The following TBC1D19 variants were observed in gnomAD, a reference collection of about 807,000 sequenced individuals.
TBC1D19 encodes the protein TBC1 domain family, member 19.
TBC1D19 carries 60 observed loss-of-function variants against 89.0 expected under a neutral mutation model. The observed-to-expected ratio is 0.67, with a 90% CI of 0.55 to 0.84. The LOEUF (loss-of-function observed/expected upper bound fraction) is 0.84, where lower values mean the gene tolerates loss of function less well. Ranked by LOEUF, TBC1D19 falls within the 40% of genes least tolerant of loss-of-function variation. TBC1D19 has a pLI of 0.00. For synonymous variants in TBC1D19, 189 were observed against 199.7 expected, an observed-to-expected ratio of 0.95 and a Z score of 0.45; for missense variants, 500 against 610.8, an observed-to-expected ratio of 0.82 and a Z score of 1.91.
In TBC1D19 at chr4:26,755,437, A is replaced by C. The variant is rs1286206450; in HGVS notation, c.*490A>C. 1 of 152,126 alleles carries C rather than the reference A, an allele frequency of 6.6e-6. No homozygotes were observed. Among genetic ancestry groups the C allele is most frequent in the Non-Finnish European group, 1.5e-5 (1 of 68,000 alleles). The allele number at this position is 152,126 out of a possible 1,614,324, so 9.4% of individuals were successfully genotyped here. ...ACACTTGAAAAAGATAATGTTTTTA[A>C]GTAGGAATTCAAAAGTTGCTTAAAT... On this transcript the variant is annotated 3_prime_UTR_variant, in exon 21 of 21. Coordinates refer to ENST00000264866, the MANE Select transcript of TBC1D19 (RefSeq NM_018317.4).
upstream of TBC1D19, among the ~76,000 whole-genome samples, chr4:26,582,286 T>C (rs956030147): frequency 3.9e-5 from 6 of 152,162 alleles, no homozygotes; most frequent in Non-Finnish European, 8.8e-5. Flanking sequence ...TTTTACACTC[T>C]TGATACAGAG....
chr4:26,816,375 C>T, the TBC1D19 span, among the ~76,000 whole-genome samples: 1 of 152,156 alleles, frequency 6.6e-6, no homozygotes, highest in African/African-American at 2.4e-5. Context: ...TTGGGTAACC[C>T]ATTGTAAAAA....
intron 1 of TBC1D19, among the ~76,000 whole-genome samples, chr4:26,590,151 T>C (rs946049969): frequency 6.6e-6 from 1 of 152,224 alleles, no homozygotes; most frequent in African/African-American, 2.4e-5. Flanking sequence ...CTGCCAAAGG[T>C]GAAGTAGTTT....
At chr4:26,734,985 T>TATGTGTATACAC (rs1435961082) in intron 15 of TBC1D19, among the ~76,000 whole-genome samples, 78 of 150,736 alleles carry the variant, frequency 5.2e-4, no homozygotes, top group African/African-American at 1.5e-3. Flanking sequence ...CACATATGTA[T>TATGTGTATACAC]ATGTATATAT....
chr4:26,576,962 A>T (rs981949333), intron 1 of TBC1D19: 1 of 413,030 alleles, frequency 2.4e-6, no homozygotes, highest in African/African-American at 2.0e-5. Flanking sequence ...ATTTTTGTAG[A>T]TGTGAAAAAC....
the TBC1D19 span, among the ~76,000 whole-genome samples, chr4:26,789,001 C>CCCTTTT: frequency 6.6e-6 from 1 of 152,080 alleles, no homozygotes; most frequent in Non-Finnish European, 1.5e-5. Flanking sequence ...ACCTTTTTTT[C>CCCTTTT]CCTTTTTTCA....
At chr4:26,777,853 T>G in the TBC1D19 span, among the ~76,000 whole-genome samples, 1 of 151,600 alleles carries the variant, frequency 6.6e-6, no homozygotes, top group African/African-American at 2.4e-5. Flanking sequence ...GGCCAAGGTG[T>G]GAGGATTGTT....
At chr4:26,858,180 G>A in the TBC1D19 span, 1 of 152,198 alleles carries the variant, frequency 6.6e-6, no homozygotes, top group East Asian at 1.9e-4. Flanking sequence ...AAAAGTGGTG[G>A]AATTGCTATT....
chr4:26,755,055 A>T lies in TBC1D19; in HGVS notation c.*108A>T. 1.0e-6 allele frequency: 1 copy of T among 965,674 alleles called. No homozygotes were observed. Among genetic ancestry groups the T allele is most frequent in the Non-Finnish European group, 1.5e-6 (1 of 663,610 alleles). 59.8% of individuals were successfully genotyped at this position (965,674 alleles called of 1,614,324 possible). A position where few individuals can be genotyped will look rare whatever the true frequency, so the allele number is the denominator to read the frequency against. On this transcript the variant is annotated 3_prime_UTR_variant, in exon 21 of 21. Transcript: ENST00000264866. ...ATGAAACTTTGCATATAAGCCAATAAAGATCATGTTCCCTCTTCAGTTAAA... is the reference window on the plus strand; with the variant it reads ...ATGAAACTTTGCATATAAGCCAATATAGATCATGTTCCCTCTTCAGTTAAA...
chr4:26,644,091 G>T (rs565444935), intron 7 of TBC1D19, among the ~76,000 whole-genome samples: 4 of 151,972 alleles, frequency 2.6e-5, no homozygotes, highest in East Asian at 3.9e-4. Flanking sequence ...AGCATCATCC[G>T]GATACCAAAG....
At chr4:26,797,225 C>T in the TBC1D19 span, among the ~76,000 whole-genome samples, 2 of 152,024 alleles carry the variant, frequency 1.3e-5, no homozygotes, top group African/African-American at 4.8e-5. Context: ...AGCAGCATTT[C>T]TATATATCAA....
At chr4:26,649,322 C>CT (rs1018737290) in intron 7 of TBC1D19, among the ~76,000 whole-genome samples, 21 of 151,776 alleles carry the variant, frequency 1.4e-4, no homozygotes, top group African/African-American at 4.1e-4. Flanking sequence ...CCACTAGATT[C>CT]TTTTTTTTCC....
intron 1 of TBC1D19, among the ~76,000 whole-genome samples, chr4:26,605,281 T>C (rs1320083207): frequency 5.4e-4 from 76 of 141,436 alleles, no homozygotes; most frequent in Non-Finnish European, 9.6e-4. Flanking sequence ...TCAATTCCCA[T>C]CTATGAGTGA....
At position 26,626,402 on chromosome 4, in the gene TBC1D19, A is replaced by G. The variant is rs544088083; in HGVS notation, c.294+5714A>G. 3.3e-5 allele frequency among the ~76,000 whole-genome samples: 5 copies of G among 152,264 alleles called. No individual in the cohort carries two copies. In the South Asian group the frequency reaches 1.0e-3, roughly 32 times the overall value. On this transcript the variant is annotated intron_variant, in intron 4 of 20. Coordinates refer to ENST00000264866, the MANE Select transcript of TBC1D19 (RefSeq NM_018317.4). ...AGTTTTCTTGTGAAACAATACTAAT[A>G]AGCATATAGATCCCTAATTGTATCC...
the TBC1D19 span, among the ~76,000 whole-genome samples, chr4:26,812,826 A>G: frequency 2.7e-5 from 3 of 111,300 alleles, no homozygotes; most frequent in African/African-American, 1.4e-4. This position sits in a 1 kb window ranked among gnomAD's most constrained non-coding sequence, Gnocchi z 4.2. Context: ...GTGTGTCTAT[A>G]TATGTATATA....
At chr4:26,584,856 A>G (rs1484688756) in intron 1 of TBC1D19, 5 of 177,560 alleles carry the variant, frequency 2.8e-5, no homozygotes, top group Non-Finnish European at 6.0e-5. Flanking sequence ...ATTGATTGAG[A>G]TCCTTGCCTT....
the TBC1D19 span, among the ~76,000 whole-genome samples, chr4:26,766,109 C>T: frequency 6.6e-6 from 1 of 152,002 alleles, no homozygotes; most frequent in East Asian, 1.9e-4. Context: ...GATGGATTTC[C>T]TCCCCTAGCA....
chr4:26,827,442 T>C, the TBC1D19 span, among the ~76,000 whole-genome samples: 1 of 151,910 alleles, frequency 6.6e-6, no homozygotes, highest in Non-Finnish European at 1.5e-5. Flanking sequence ...TCGTCTCTAC[T>C]AAAATACAAA....
At chr4:26,726,600 A>G (rs1717334903) in intron 15 of TBC1D19, among the ~76,000 whole-genome samples, 1 of 152,240 alleles carries the variant, frequency 6.6e-6, no homozygotes, top group Admixed American at 6.5e-5. Flanking sequence ...GGAAATAACT[A>G]GAAAACAATT....
Sources: gnomAD v4.1 joint callset for allele counts (sites outside exome capture counted in the v4.1 genomes callset) on GRCh38, gnomAD v4.1.1 for gene constraint, Gnocchi (gnomAD v3.1) non-coding constraint, MANE v1.5 for transcripts, NCBI Gene and HGNC (gene_info 2026-07-23, HGNC 2026-07-21) for gene names.